MTFR1: variants seen among roughly 807,000 people sequenced by gnomAD.
MTFR1 encodes the protein mitochondrial fission regulator 1, also known as chondrocyte protein with a poly-proline region.
Under a neutral mutation model 38.8 loss-of-function variants are expected in MTFR1, and 28 were observed. The observed-to-expected ratio is 0.72, with a 90% confidence interval of 0.53 to 0.99. The LOEUF (loss-of-function observed/expected upper bound fraction) is 0.99, where lower values mean the gene tolerates loss of function less well. MTFR1 is among the 50% of genes least tolerant of loss of function. The pLI is 0.00. For synonymous variants in MTFR1, 145 were observed against 137.0 expected (o/e 1.06, Z -0.41); for missense variants, 358 against 395.5 (o/e 0.91, Z 0.81).
At chr8:65,689,969 T>TC (rs1482915978) in intron 3 of MTFR1, among the ~76,000 whole-genome samples, 3 of 152,236 alleles carry the variant, frequency 2.0e-5, no homozygotes, top group Non-Finnish European at 2.9e-5. Flanking sequence ...ATTTTCATCT[T>TC]ATTGAGCACA....
Position 65,688,100 on chromosome 8 carries a change from A to G in MTFR1, c.166-5544A>G, listed in dbSNP as rs1479912458. Among the ~76,000 whole-genome samples the G allele has an allele frequency of 1.2e-3, 77 of 62,992 alleles. 2 individuals are homozygous for G. The highest frequency in any genetic ancestry group is 1.2e-3 in the Non-Finnish European group (16 of 13,284). 41.3% of individuals were successfully genotyped at this position (62,992 alleles called of 152,430 possible). On this transcript the variant is annotated intron_variant, in intron 3 of 7. Coordinates refer to ENST00000262146, the MANE Select transcript of MTFR1 (RefSeq NM_014637.4). The stretch of plus-strand genomic sequence containing the variant: ...GGGCGACAGGGCAAGACTCCGTCTA[A>G]AAAAAAAAAAAAAAAACAGGCCGGG...
chr8:65,664,003 A>G (rs745652730), intron 1 of MTFR1, among the ~76,000 whole-genome samples: 4 of 150,768 alleles, frequency 2.7e-5, no homozygotes, highest in African/African-American at 9.7e-5. Context: ...TTTAGTAGAG[A>G]CGGGGTTTCG....
Position 65,655,966 on chromosome 8 carries a change from A to G in MTFR1, c.-81+11182A>G, listed in dbSNP as rs1198125684. 1.8e-4 allele frequency among the ~76,000 whole-genome samples: 5 copies of G among 28,372 alleles called. No homozygotes were observed. In the South Asian group the frequency reaches 2.9e-3, roughly 16 times the overall value. 18.6% of individuals were successfully genotyped at this position (28,372 alleles called of 152,430 possible). On this transcript the variant is annotated intron_variant, in intron 1 of 7. Transcript: ENST00000262146. ...TAAAAAAAAAAATATATATATATAT[A>G]TACCATATATATATATATGGTAGTG... is the stretch of plus-strand genomic sequence containing the variant.
intron 3 of MTFR1, among the ~76,000 whole-genome samples, chr8:65,748,989 C>G (rs1271082353): frequency 2.0e-5 from 3 of 152,170 alleles, no homozygotes; most frequent in Admixed American, 2.0e-4. Context: ...ATATGAACTT[C>G]ATTTCCTTAG....
chr8:65,734,567 G>A (rs1025404749), intron 3 of MTFR1, among the ~76,000 whole-genome samples: 9 of 152,120 alleles, frequency 5.9e-5, no homozygotes, highest in African/African-American at 1.7e-4. Flanking sequence ...CAAGTGACCT[G>A]GCCCTTGCTT....
At chr8:65,737,881 T>C (rs944273743) in intron 3 of MTFR1, among the ~76,000 whole-genome samples, 1 of 152,254 alleles carries the variant, frequency 6.6e-6, no homozygotes, top group Non-Finnish European at 1.5e-5. Context: ...TCCACAGTTT[T>C]ACCATTTTCC....
intron 2 of MTFR1, 32 bp from the exon 3 acceptor site, chr8:65,682,321 A>G: frequency 8.6e-7 from 1 of 1,163,010 alleles, no homozygotes; most frequent in Non-Finnish European, 1.2e-6. Context: ...TACATCTTGT[A>G]ATTAAGCTTT....
chr8:65,754,244 C>G (rs1808108952), intron 3 of MTFR1, among the ~76,000 whole-genome samples: 1 of 151,576 alleles, frequency 6.6e-6, no homozygotes, highest in Non-Finnish European at 1.5e-5. Flanking sequence ...TTAGATGGTG[C>G]CCCCCCGCCC....
exon 4 of MTFR1, chr8:65,771,206 T>C (rs1453760080): frequency 6.0e-6 from 1 of 166,722 alleles, no homozygotes; most frequent in Non-Finnish European, 1.3e-5. Context: ...TGTATCTTCA[T>C]AATATAAACC....
At chr8:65,676,648 G>A (rs1804714839) in intron 2 of MTFR1, among the ~76,000 whole-genome samples, 1 of 152,112 alleles carries the variant, frequency 6.6e-6, no homozygotes, top group Non-Finnish European at 1.5e-5. Flanking sequence ...ACAGGCGTGA[G>A]CCACCACACC....
rs1806317405 is a variant in MTFR1, at chr8:65,720,226, CTT to C, written c.*48+746_*48+747del. ...GCACTCCACTGCACATTAGATCTGA[CTT>C]AATACTAAGTAGTATCTTAAACAAG... On this transcript the variant is annotated intron_variant, in intron 3 of 3. Coordinates refer to the MTFR1 transcript ENST00000521247. Among the ~76,000 whole-genome samples, 3 of 152,196 alleles carry C rather than the reference CTT, an allele frequency of 2.0e-5. No individual in the cohort carries two copies. In the South Asian group the frequency reaches 6.2e-4, roughly 31 times the overall value.
chr8:65,668,616 C>A (rs867614368), intron 1 of MTFR1, among the ~76,000 whole-genome samples: 1 of 147,240 alleles, frequency 6.8e-6, no homozygotes, highest in African/African-American at 2.5e-5. Flanking sequence ...TGGCTTCAAG[C>A]GATTCTCCTG....
intron 3 of MTFR1, among the ~76,000 whole-genome samples, chr8:65,752,724 C>G (rs1808025086): frequency 1.3e-5 from 2 of 152,162 alleles, no homozygotes; most frequent in Admixed American, 6.6e-5. Context: ...AATTATATCT[C>G]TAAATATCTA....
chr8:65,771,021 C>A, exon 4 of MTFR1: 2 of 378,336 alleles, frequency 5.3e-6, no homozygotes, highest in Admixed American at 3.2e-5. Context: ...AATTTATAAG[C>A]CTTAAGAGAA....
intron 3 of MTFR1, among the ~76,000 whole-genome samples, chr8:65,738,738 T>C (rs1469658956): frequency 1.3e-5 from 2 of 152,138 alleles, no homozygotes; most frequent in Non-Finnish European, 2.9e-5. Context: ...TGGCCCCAAA[T>C]AATCTTTAAA....
intron 1 of MTFR1, among the ~76,000 whole-genome samples, chr8:65,653,721 C>T (rs576198446): frequency 1.3e-5 from 2 of 152,062 alleles, no homozygotes; most frequent in South Asian, 4.2e-4. Context: ...TATGTTTTTA[C>T]TTTTTAGATT....
chr8:65,647,088 T>G (rs1266830075), intron 1 of MTFR1, among the ~76,000 whole-genome samples: 1 of 152,166 alleles, frequency 6.6e-6, no homozygotes, highest in Admixed American at 6.6e-5. Flanking sequence ...AGAAGTGACA[T>G]GATCAAAGTT....
At chr8:65,725,846 T>G (rs935609123) in intron 3 of MTFR1, among the ~76,000 whole-genome samples, 1 of 152,184 alleles carries the variant, frequency 6.6e-6, no homozygotes, top group African/African-American at 2.4e-5. Flanking sequence ...GAAGCAAACA[T>G]TTTAATCTGT....
At chr8:65,713,362 A>G (rs1167992103), downstream of MTFR1, among the ~76,000 whole-genome samples, 1 of 150,630 alleles carries the variant, frequency 6.6e-6, no homozygotes, top group Non-Finnish European at 1.5e-5. Flanking sequence ...AACTGCTTGA[A>G]CCTGGAAGGT....
Sources: allele counts gnomAD v4.1 joint callset (sites outside exome capture counted in the v4.1 genomes callset), GRCh38; gene constraint gnomAD v4.1.1; transcripts MANE v1.5; gene names NCBI Gene and HGNC (gene_info 2026-07-23, HGNC 2026-07-21).